The following CPNE4 variants were observed in gnomAD, a reference collection of about 807,000 sequenced individuals.
CPNE4 encodes copine 4.
CPNE4 carries 25 observed loss-of-function variants against 67.9 expected under a neutral mutation model. The observed-to-expected ratio is 0.37, with a 90% CI of 0.27 to 0.51. The LOEUF is 0.51. Among genes scored for constraint, CPNE4 ranks in the 20% least tolerant of loss-of-function variants. The pLI is 0.93. For synonymous variants in CPNE4, 242 were observed against 244.9 expected, an observed-to-expected ratio of 0.99 and a Z score of 0.11; for missense variants, 464 against 690.8, an observed-to-expected ratio of 0.67 and a Z score of 3.68.
upstream of CPNE4, chr3:132,037,977 A>C (rs1187488645): frequency 5.9e-6 from 1 of 169,802 alleles, no homozygotes; most frequent in East Asian, 1.5e-4. Context: ...TTTGAAATGG[A>C]ATTTCTGTTT....
intron 2 of CPNE4, among the ~76,000 whole-genome samples, chr3:131,877,482 C>A (rs928137120): frequency 6.6e-6 from 1 of 152,052 alleles, no homozygotes; most frequent in Non-Finnish European, 1.5e-5. Context: ...TTCTGATACT[C>A]GTAGCTGAAA....
chr3:131,891,046 T>G (rs184906617), intron 2 of CPNE4, among the ~76,000 whole-genome samples: 11 of 152,234 alleles, frequency 7.2e-5, no homozygotes, highest in South Asian at 2.1e-4. Context: ...TAAGGTATTG[T>G]GTACTTAAAT....
intron 2 of CPNE4, among the ~76,000 whole-genome samples, chr3:131,750,471 T>C (rs931952940): frequency 6.6e-6 from 1 of 152,214 alleles, no homozygotes; most frequent in African/African-American, 2.4e-5. Context: ...TCATTGAGTA[T>C]TATTTTTAGT....
At chr3:131,943,386 G>A (rs531058381) in intron 1 of CPNE4, among the ~76,000 whole-genome samples, 2 of 152,224 alleles carry the variant, frequency 1.3e-5, no homozygotes, top group African/African-American at 4.8e-5. Context: ...GTGTCCCTGT[G>A]ATATGTCATT....
intron 2 of CPNE4, among the ~76,000 whole-genome samples, chr3:131,773,532 C>T (rs1304053399): frequency 1.3e-5 from 2 of 151,966 alleles, no homozygotes. Flanking sequence ...ATTTTTAGTA[C>T]AGACAGGCTT....
At chr3:131,860,786 CAAT>C (rs758514537) in intron 2 of CPNE4, among the ~76,000 whole-genome samples, 3 of 152,278 alleles carry the variant, frequency 2.0e-5, no homozygotes, top group African/African-American at 4.8e-5. Context: ...ATGCAAACAA[CAAT>C]GACACAAGTA....
At chr3:131,992,885 T>C (rs1328512764) in intron 1 of CPNE4, among the ~76,000 whole-genome samples, 1 of 136,078 alleles carries the variant, frequency 7.3e-6, no homozygotes, top group African/African-American at 2.5e-5. Context: ...ACACTTCTGC[T>C]ACCTGCTGCT....
At chr3:131,832,572 T>C (rs973761180) in intron 2 of CPNE4, among the ~76,000 whole-genome samples, 7 of 152,208 alleles carry the variant, frequency 4.6e-5, no homozygotes, top group Non-Finnish European at 1.0e-4. Flanking sequence ...TGGACTTACT[T>C]GGGATCCATT....
chr3:131,762,731 A>C (rs997904414), intron 2 of CPNE4, among the ~76,000 whole-genome samples: 1 of 152,130 alleles, frequency 6.6e-6, no homozygotes, highest in Non-Finnish European at 1.5e-5. Context: ...TGCTTTCTGC[A>C]GGAAGCCTGG....
chr3:131,823,247 A>G (rs72987758), intron 2 of CPNE4, among the ~76,000 whole-genome samples: 4,817 of 152,342 alleles, frequency 0.032, 183 homozygotes, highest in South Asian at 0.094. Context: ...GATGCTTCAC[A>G]TACTATTCAG....
chr3:131,901,072 A>G (rs2088536492), intron 2 of CPNE4, among the ~76,000 whole-genome samples: 2 of 152,254 alleles, frequency 1.3e-5, no homozygotes, highest in Admixed American at 1.3e-4. Context: ...TCATAGGGTC[A>G]CTGCCAAGGG....
At chr3:131,658,989 T>C (rs1477896011) in intron 7 of CPNE4, among the ~76,000 whole-genome samples, 10 of 152,224 alleles carry the variant, frequency 6.6e-5, no homozygotes, top group Non-Finnish European at 1.5e-5. Flanking sequence ...TCAATCCAGT[T>C]TGTGAAAACC....
intron 2 of CPNE4, among the ~76,000 whole-genome samples, chr3:131,845,841 A>G (rs1176750877): frequency 1.3e-5 from 2 of 152,202 alleles, no homozygotes; most frequent in Non-Finnish European, 2.9e-5. Context: ...GAGATTGGAC[A>G]CTAGAGGAAA....
chr3:132,037,733 G>T, upstream of CPNE4: 1 of 770,348 alleles, frequency 1.3e-6, no homozygotes, highest in East Asian at 2.7e-5. Flanking sequence ...ATAAGAGGAG[G>T]CATCCGCTCA....
chr3:131,867,191 T>A (rs1003330904), intron 2 of CPNE4, among the ~76,000 whole-genome samples: 1 of 152,174 alleles, frequency 6.6e-6, no homozygotes, highest in Non-Finnish European at 1.5e-5. Flanking sequence ...GTTTCCCTAA[T>A]GTGGGGAAAG....
At chr3:131,959,289 C>A (rs61793599) in intron 1 of CPNE4, among the ~76,000 whole-genome samples, 18 of 105,906 alleles carry the variant, frequency 1.7e-4, no homozygotes, top group Non-Finnish European at 2.8e-4. Context: ...CGTGAGCCAC[C>A]GCGCCCGGCC....
rs994880931 is a variant in CPNE4, at chr3:131,683,040, T to A, written c.591+2835A>T. Among the ~76,000 whole-genome samples, 5 of 152,246 alleles carry A rather than the reference T, an allele frequency of 3.3e-5. No homozygotes were observed. The South Asian group carries it at 1.0e-3, about 32-fold the overall frequency. ...GGACTCTCTCTTCAGGGAAGTGGACTCCTCTCTTACCCAAAGCCAGTCCAG... is the reference window on the plus strand; with the variant it reads ...GGACTCTCTCTTCAGGGAAGTGGACACCTCTCTTACCCAAAGCCAGTCCAG... On this transcript the variant is annotated intron_variant, in intron 6 of 15. Transcript: ENST00000429747.
chr3:131,901,474 GT>G (rs150979247), intron 2 of CPNE4, among the ~76,000 whole-genome samples: 5 of 151,870 alleles, frequency 3.3e-5, no homozygotes, highest in Non-Finnish European at 7.4e-5. Flanking sequence ...TCAAAGTCAA[GT>G]TTTTTTTCTT....
intron 1 of CPNE4, among the ~76,000 whole-genome samples, chr3:131,971,482 G>T (rs1314960709): frequency 2.0e-5 from 3 of 152,102 alleles, no homozygotes; most frequent in Non-Finnish European, 4.4e-5. Flanking sequence ...ATATCATTAG[G>T]TCCAAAAACT....
Sources: allele counts gnomAD v4.1 joint callset (sites outside exome capture counted in the v4.1 genomes callset), GRCh38; gene constraint gnomAD v4.1.1; transcripts MANE v1.5; gene names NCBI Gene and HGNC (gene_info 2026-07-23, HGNC 2026-07-21).